The following SLC39A11 variants were observed in gnomAD, a reference collection of about 807,000 sequenced individuals.
SLC39A11 encodes the protein solute carrier family 39 member 11.
In SLC39A11, 33 loss-of-function variants were observed where a neutral mutation model predicts 36.1. The ratio of observed to expected loss-of-function variants is 0.91; its 90% confidence interval spans 0.69 to 1.22. SLC39A11 has a LOEUF of 1.22. Ranked by LOEUF, SLC39A11 falls within the 50% of genes most tolerant of loss-of-function variation. The pLI is 0.00. For synonymous variants in SLC39A11, 166 were observed against 170.3 expected (o/e 0.97, Z 0.20); for missense variants, 432 against 430.3 (o/e 1.00, Z -0.03).
chr17:72,750,788 G>GA (rs11315545), intron 6 of SLC39A11, among the ~76,000 whole-genome samples: 237 of 148,894 alleles, frequency 1.6e-3, no homozygotes, highest in African/African-American at 4.9e-3. Context: ...GTTAATGGAG[G>GA]AAAAAAAAAA....
chr17:73,029,952 C>T (rs567237015), intron 4 of SLC39A11, among the ~76,000 whole-genome samples: 1 of 152,248 alleles, frequency 6.6e-6, no homozygotes, highest in South Asian at 2.1e-4. Context: ...ACCTTTTTGG[C>T]ACCAAGGACT....
intron 5 of SLC39A11, among the ~76,000 whole-genome samples, chr17:72,851,012 C>A (rs2079286362): frequency 6.6e-6 from 1 of 151,924 alleles, no homozygotes; most frequent in South Asian, 2.1e-4. Context: ...AGCTCTGCCA[C>A]AATGGAACGA....
chr17:72,954,377 G>A (rs1334317157), intron 4 of SLC39A11, among the ~76,000 whole-genome samples: 1 of 152,228 alleles, frequency 6.6e-6, no homozygotes, highest in Admixed American at 6.5e-5. Flanking sequence ...ACTAATTGGT[G>A]CCCCCTGCCA....
At chr17:72,909,820 A>C (rs1281824930) in intron 5 of SLC39A11, among the ~76,000 whole-genome samples, 2 of 147,888 alleles carry the variant, frequency 1.4e-5, no homozygotes, top group Non-Finnish European at 3.0e-5. Context: ...ATCTCGGCTC[A>C]CTGCAACCTC....
intron 4 of SLC39A11, among the ~76,000 whole-genome samples, chr17:72,990,150 G>A (rs2089062285): frequency 6.6e-6 from 1 of 152,138 alleles, no homozygotes. Flanking sequence ...ACTACCCTTA[G>A]GTCCTGCTTG....
intron 3 of SLC39A11, among the ~76,000 whole-genome samples, chr17:73,064,485 A>C (rs1035094205): frequency 6.6e-6 from 1 of 152,192 alleles, no homozygotes; most frequent in Non-Finnish European, 1.5e-5. Flanking sequence ...TGGAGGTTAA[A>C]GGACTTGTGG....
rs938136889 is a variant in SLC39A11, at chr17:72,922,885, T to C, written c.430+24867A>G. Among the ~76,000 whole-genome samples the C allele has an allele frequency of 4.2e-5, 6 of 141,780 alleles. No homozygotes were observed. In the Admixed American group the frequency reaches 4.7e-4, roughly 11 times the overall value. 93.0% of individuals were successfully genotyped at this position (141,780 alleles called of 152,430 possible). ...CGGGAGGCTGAGGCACGAGAATTCC[T>C]TGAACCCGGGAGGCGGAGGTTGCAG... On this transcript the variant is annotated intron_variant, in intron 5 of 9. Transcript: ENST00000255559.
chr17:73,017,080 A>T (rs1355206695), intron 4 of SLC39A11, among the ~76,000 whole-genome samples: 2 of 152,230 alleles, frequency 1.3e-5, no homozygotes, highest in African/African-American at 4.8e-5. Flanking sequence ...TTACAAGTTA[A>T]ATCACCTTCA....
intron 6 of SLC39A11, among the ~76,000 whole-genome samples, chr17:72,799,771 T>G (rs2077021637): frequency 6.6e-6 from 1 of 151,976 alleles, no homozygotes; most frequent in Non-Finnish European, 1.5e-5. Flanking sequence ...CAAGACAATA[T>G]GTGCACCGCT....
chr17:72,811,736 TTTTG>T (rs2077441189), intron 6 of SLC39A11, among the ~76,000 whole-genome samples: 1 of 152,230 alleles, frequency 6.6e-6, no homozygotes, highest in African/African-American at 2.4e-5. Flanking sequence ...AGTTTGTTGG[TTTTG>T]TTTTTTATTT....
At chr17:73,031,229 C>T (rs770883934) in intron 4 of SLC39A11, among the ~76,000 whole-genome samples, 6 of 127,162 alleles carry the variant, frequency 4.7e-5, no homozygotes, top group Non-Finnish European at 7.6e-5. Flanking sequence ...GTCATACTCT[C>T]AATAAAACCC....
intron 6 of SLC39A11, among the ~76,000 whole-genome samples, chr17:72,827,892 T>G (rs142496613): frequency 6.6e-6 from 1 of 152,176 alleles, no homozygotes; most frequent in Admixed American, 6.5e-5. Context: ...CCCAAGTCCA[T>G]AGAAGAGAGA....
rs555575008 is a variant in SLC39A11 at position 72,930,956 on chromosome 17, C to T, written c.430+16796G>A. On this transcript the variant is annotated intron_variant, in intron 5 of 9. Coordinates refer to ENST00000255559, the MANE Select transcript of SLC39A11 (RefSeq NM_139177.4). ...GAAAGAAGACAGGGCCCCAGAAGAG[C>T]TCTTCCAATTCCTGGTACCAACCAC... Among the ~76,000 whole-genome samples the T allele has an allele frequency of 3.3e-5, 5 of 152,330 alleles. No individual in the cohort carries two copies. In the East Asian group the frequency reaches 9.7e-4, roughly 29 times the overall value.
In SLC39A11 at chr17:72,745,451, T is replaced by C. The variant is rs527900815; in HGVS notation, c.602-8732A>G. On this transcript the variant is annotated intron_variant, in intron 6 of 9. Coordinates refer to ENST00000255559, the MANE Select transcript of SLC39A11 (RefSeq NM_139177.4). ...AGACCAGGGGTAGGAACTCCAGGGC[T>C]GTCATTCCCCTTGTTCTGGACTTGA... Among the ~76,000 whole-genome samples the C allele has an allele frequency of 4.6e-5, 7 of 152,324 alleles. No individual in the cohort carries two copies. In the South Asian group the frequency reaches 1.4e-3, roughly 32 times the overall value.
chr17:72,916,224 A>T (rs1305052997), intron 5 of SLC39A11, among the ~76,000 whole-genome samples: 1 of 149,734 alleles, frequency 6.7e-6, no homozygotes, highest in Non-Finnish European at 1.5e-5. Flanking sequence ...ACACATGCAC[A>T]CACATATATC....
rs1305733544 is a variant in SLC39A11 at position 72,951,077 on chromosome 17, C to T, written c.307-3202G>A. On this transcript the variant is annotated intron_variant, in intron 4 of 9. Transcript: ENST00000255559. Reference sequence around the variant, plus strand: ...AGGAGTTCGAGACCAGCCTAGGCAACATAGTGAGGCCCCATTTCTTAAAAA... The same window carrying T: ...AGGAGTTCGAGACCAGCCTAGGCAATATAGTGAGGCCCCATTTCTTAAAAA... Among the ~76,000 whole-genome samples, 10 of 145,588 alleles carry T rather than the reference C, an allele frequency of 6.9e-5. No homozygotes were observed. The South Asian group carries it at 2.3e-3, about 33-fold the overall frequency.
chr17:72,907,892 A>G (rs1196767196), intron 5 of SLC39A11, among the ~76,000 whole-genome samples: 2 of 152,228 alleles, frequency 1.3e-5, no homozygotes, highest in Admixed American at 1.3e-4. Flanking sequence ...GTAGGGGAGA[A>G]GTGGAAGGAG....
intron 5 of SLC39A11, among the ~76,000 whole-genome samples, chr17:72,865,727 G>C (rs1168641843): frequency 6.6e-6 from 1 of 152,044 alleles, no homozygotes; most frequent in African/African-American, 2.4e-5. Context: ...CACCGACAGA[G>C]AGAAGCAGAA....
chr17:72,817,497 A>G (rs1408391564), intron 6 of SLC39A11, among the ~76,000 whole-genome samples: 1 of 152,130 alleles, frequency 6.6e-6, no homozygotes, highest in Non-Finnish European at 1.5e-5. Context: ...ACCTCCCACC[A>G]GGCCCCATCT....
Sources: allele counts gnomAD v4.1 joint callset (sites outside exome capture counted in the v4.1 genomes callset), GRCh38; gene constraint gnomAD v4.1.1; transcripts MANE v1.5; gene names NCBI Gene and HGNC (gene_info 2026-07-23, HGNC 2026-07-21).